Variants in CACHD1 observed in about 807,000 individuals in gnomAD.
The protein encoded by CACHD1 is VWFA and cache domain-containing protein 1.
In CACHD1, 71 loss-of-function variants were observed where a neutral mutation model predicts 138.7. That is an observed-to-expected ratio of 0.51 (90% CI 0.42 to 0.62). CACHD1 has a LOEUF of 0.62. Ranked by LOEUF, CACHD1 falls within the 20% of genes least tolerant of loss-of-function variation. The pLI is 0.00. For synonymous variants in CACHD1, 578 were observed against 591.5 expected (o/e 0.98, Z 0.33); for missense variants, 1,389 against 1,625.3 (o/e 0.85, Z 2.50).
chr1:64,651,570 A>G (rs961316660), intron 9 of CACHD1, among the ~76,000 whole-genome samples: 10 of 152,188 alleles, frequency 6.6e-5, no homozygotes, highest in Non-Finnish European at 1.2e-4. Context: ...AGGGAGGATC[A>G]CTTGAGCCCA....
In CACHD1 at chr1:64,658,893, T is replaced by A; in HGVS notation, c.1951+20T>A. ...CCCTAGGTAAAGCCCTTACACTTCCTTCACATTCTTACTCTTAGCAGCTCA... is the reference window on the plus strand; with the variant it reads ...CCCTAGGTAAAGCCCTTACACTTCCATCACATTCTTACTCTTAGCAGCTCA... On this transcript the variant is annotated intron_variant, in intron 13 of 26. Transcript: ENST00000651257. 6.5e-7 allele frequency: 1 copy of A among 1,529,002 alleles called. No homozygotes were observed. Among genetic ancestry groups the A allele is most frequent in the Non-Finnish European group, 8.8e-7 (1 of 1,137,108 alleles). The allele number at this position is 1,529,002 out of a possible 1,614,324, so 94.7% of individuals were successfully genotyped here.
intron 1 of CACHD1, among the ~76,000 whole-genome samples, chr1:64,533,185 G>A (rs781418039): frequency 2.0e-5 from 3 of 152,092 alleles, no homozygotes; most frequent in African/African-American, 4.8e-5. Flanking sequence ...GTGAAACCCC[G>A]TCTCTACTAA....
At chr1:64,523,116 A>C (rs911307633) in intron 1 of CACHD1, among the ~76,000 whole-genome samples, 3 of 152,252 alleles carry the variant, frequency 2.0e-5, no homozygotes, top group Admixed American at 2.0e-4. Context: ...AATTGCTATT[A>C]GTGTGACAAT....
intron 3 of CACHD1, among the ~76,000 whole-genome samples, chr1:64,598,348 C>T (rs1647175932): frequency 6.6e-6 from 1 of 152,298 alleles, no homozygotes; most frequent in African/African-American, 2.4e-5. Flanking sequence ...CGAGTGAATG[C>T]TGCACGGCTG....
At chr1:64,611,210 C>T (rs1647520780) in intron 4 of CACHD1, among the ~76,000 whole-genome samples, 2 of 152,174 alleles carry the variant, frequency 1.3e-5, no homozygotes, top group South Asian at 4.1e-4. Flanking sequence ...AGGGGCTGCT[C>T]TGAAGGTCTG....
chr1:64,526,646 C>A (rs940352588), intron 1 of CACHD1, among the ~76,000 whole-genome samples: 13 of 152,184 alleles, frequency 8.5e-5, no homozygotes, highest in African/African-American at 3.1e-4. Context: ...TGAAATGAAG[C>A]AATTTCCCAT....
chr1:64,599,445 C>G (rs979571118), intron 3 of CACHD1, among the ~76,000 whole-genome samples: 9 of 152,010 alleles, frequency 5.9e-5, no homozygotes. Flanking sequence ...AAGAGTTGAG[C>G]TGGGCTTTGA....
chr1:64,545,155 G>T (rs187787716), intron 1 of CACHD1, among the ~76,000 whole-genome samples: 33 of 152,226 alleles, frequency 2.2e-4, no homozygotes, highest in Admixed American at 2.1e-3. Flanking sequence ...CAAAACATTT[G>T]TGTATTTACA....
intron 2 of CACHD1, among the ~76,000 whole-genome samples, chr1:64,581,684 A>G (rs185444592): frequency 6.6e-6 from 1 of 152,352 alleles, no homozygotes; most frequent in Admixed American, 6.5e-5. Flanking sequence ...GGGACTGTGT[A>G]GCAGGAGACA....
intron 2 of CACHD1, among the ~76,000 whole-genome samples, chr1:64,573,270 T>C (rs1646940035): frequency 6.6e-6 from 1 of 152,084 alleles, no homozygotes; most frequent in Non-Finnish European, 1.5e-5. Flanking sequence ...GAGTACTCTA[T>C]ATAAGACGAG....
rs115497103 is a variant in CACHD1, at chr1:64,576,911, T to G, written c.262-5245T>G. Among the ~76,000 whole-genome samples the G allele has an allele frequency of 3.4e-3, 488 of 143,898 alleles. 4 individuals are homozygous for G. Among genetic ancestry groups the G allele is most frequent in the African/African-American group, 5.5e-3 (226 of 40,894 alleles). 94.4% of individuals were successfully genotyped at this position (143,898 alleles called of 152,430 possible). A position where few individuals can be genotyped will look rare whatever the true frequency, so the allele number is the denominator to read the frequency against. On this transcript the variant is annotated intron_variant, in intron 2 of 26. Transcript: ENST00000651257. Reference sequence around the variant, plus strand: ...TTTTGGTGGGTTTGTTTGTTTGTTTTTTTTTTTTAGAATTCTTTATAACAA... The same window carrying G: ...TTTTGGTGGGTTTGTTTGTTTGTTTGTTTTTTTTAGAATTCTTTATAACAA...
chr1:64,610,503 A>G (rs1272456101), intron 4 of CACHD1, among the ~76,000 whole-genome samples: 1 of 152,230 alleles, frequency 6.6e-6, no homozygotes, highest in African/African-American at 2.4e-5. Flanking sequence ...AAGGGGCTAC[A>G]GGCCCCATGC....
At chr1:64,668,113 G>T (rs1649694533) in intron 16 of CACHD1, among the ~76,000 whole-genome samples, 1 of 152,178 alleles carries the variant, frequency 6.6e-6, no homozygotes, top group Admixed American at 6.5e-5. Flanking sequence ...CGGATCATGA[G>T]GTCAGAAGTT....
chr1:64,655,328 T>A (rs1649227147), intron 12 of CACHD1, among the ~76,000 whole-genome samples: 2 of 152,034 alleles, frequency 1.3e-5, no homozygotes, highest in African/African-American at 4.8e-5. Context: ...GTATATATAT[T>A]TGTGTGTGTG....
chr1:64,516,669 G>A (rs115338574), intron 1 of CACHD1, among the ~76,000 whole-genome samples: 168 of 152,260 alleles, frequency 1.1e-3, no homozygotes, highest in African/African-American at 3.8e-3. Context: ...CTCACACATT[G>A]ACCTCAGAGC....
intron 4 of CACHD1, among the ~76,000 whole-genome samples, chr1:64,617,876 C>G (rs1160091319): frequency 8.5e-5 from 13 of 152,062 alleles, no homozygotes; most frequent in Admixed American, 8.5e-4. Flanking sequence ...ATCAGAAGTT[C>G]AAGACCAGCC....
At chr1:64,644,873 G>A (rs1648852410) in intron 8 of CACHD1, among the ~76,000 whole-genome samples, 1 of 152,206 alleles carries the variant, frequency 6.6e-6, no homozygotes, top group African/African-American at 2.4e-5. Flanking sequence ...CGAGGCAGGC[G>A]GATCACCTGA....
chr1:64,532,940 G>A (rs1646600053), intron 1 of CACHD1, among the ~76,000 whole-genome samples: 1 of 152,170 alleles, frequency 6.6e-6, no homozygotes. Context: ...AGCTCAGGAG[G>A]ATTTGTTACT....
intron 1 of CACHD1, chr1:64,506,398 G>C (rs1359413718): frequency 6.6e-6 from 1 of 152,180 alleles, no homozygotes. Context: ...CACACTCAAC[G>C]ACGGCCTATT....
Sources: gnomAD v4.1 joint callset for allele counts (sites outside exome capture counted in the v4.1 genomes callset) on GRCh38, gnomAD v4.1.1 for gene constraint, MANE v1.5 for transcripts, NCBI Gene and HGNC (gene_info 2026-07-23, HGNC 2026-07-21) for gene names.